MARCHF1: variants seen among roughly 807,000 people sequenced by gnomAD.
The protein encoded by MARCHF1 is membrane associated ring-CH-type finger 1.
MARCHF1 carries 40 observed loss-of-function variants against 54.2 expected under a neutral mutation model. The ratio of observed to expected loss-of-function variants is 0.74; its 90% CI spans 0.57 to 0.96. The LOEUF is 0.96. MARCHF1 is among the 40% of genes least tolerant of loss of function. The pLI is 0.00. For missense variants in MARCHF1, 586 were observed against 656.5 expected (o/e 0.89, Z 1.17); for synonymous variants, 236 against 236.3 (o/e 1.00, Z 0.01).
intron 1 of MARCHF1, among the ~76,000 whole-genome samples, chr4:164,363,322 C>G (rs931800361): frequency 5.9e-5 from 9 of 152,074 alleles, no homozygotes; most frequent in Non-Finnish European, 1.3e-4. Context: ...AAACTATAAA[C>G]TACTTCTTAT....
intron 4 of MARCHF1, among the ~76,000 whole-genome samples, chr4:163,793,885 C>G (rs928500638): frequency 2.0e-5 from 3 of 152,164 alleles, no homozygotes; most frequent in Non-Finnish European, 2.9e-5. Flanking sequence ...ACAGGAATTG[C>G]TCACTCAGGG....
intron 1 of MARCHF1, among the ~76,000 whole-genome samples, chr4:164,306,267 A>G (rs1032208170): frequency 6.6e-6 from 1 of 152,170 alleles, no homozygotes; most frequent in Non-Finnish European, 1.5e-5. Flanking sequence ...TCAACTTATC[A>G]ATATCAATAG....
chr4:164,233,404 GC>G (rs1287639844), intron 1 of MARCHF1, among the ~76,000 whole-genome samples: 1 of 152,106 alleles, frequency 6.6e-6, no homozygotes, highest in African/African-American at 2.4e-5. Context: ...CCAGAGCTTG[GC>G]TTTAGTTAAA....
At chr4:163,851,844 A>C (rs1749650259) in intron 4 of MARCHF1, among the ~76,000 whole-genome samples, 1 of 152,216 alleles carries the variant, frequency 6.6e-6, no homozygotes, top group African/African-American at 2.4e-5. Flanking sequence ...GTGCTTACAA[A>C]GGCAGCATCA....
chr4:163,604,396 T>C (rs1423316615), intron 7 of MARCHF1, among the ~76,000 whole-genome samples: 1 of 152,124 alleles, frequency 6.6e-6, no homozygotes, highest in Non-Finnish European at 1.5e-5. Flanking sequence ...GAAAGCCGAT[T>C]ATATATATGT....
intron 4 of MARCHF1, among the ~76,000 whole-genome samples, chr4:163,730,663 A>G (rs1056122688): frequency 2.0e-5 from 3 of 152,048 alleles, no homozygotes; most frequent in Non-Finnish European, 4.4e-5. Context: ...GGTGTGCTGC[A>G]CCTACTTTTT....
intron 1 of MARCHF1, among the ~76,000 whole-genome samples, chr4:164,351,422 G>C (rs1303869381): frequency 6.6e-6 from 1 of 150,456 alleles, no homozygotes; most frequent in East Asian, 2.0e-4. Context: ...TCTGAGAATG[G>C]GCAGACTGCC....
chr4:164,271,462 A>T (rs1330266148), intron 1 of MARCHF1, among the ~76,000 whole-genome samples: 1 of 152,222 alleles, frequency 6.6e-6, no homozygotes, highest in African/African-American at 2.4e-5. Context: ...AGAAAAGGCC[A>T]GGATATGGAT....
At chr4:163,877,667 G>T (rs1579359610) in intron 3 of MARCHF1, among the ~76,000 whole-genome samples, 1 of 152,030 alleles carries the variant, frequency 6.6e-6, no homozygotes, top group East Asian at 1.9e-4. Flanking sequence ...TTTCTTCTCT[G>T]CATCTTGCTT....
At chr4:163,883,074 A>G (rs1239937581) in intron 3 of MARCHF1, among the ~76,000 whole-genome samples, 2 of 152,160 alleles carry the variant, frequency 1.3e-5, no homozygotes, top group African/African-American at 4.8e-5. Flanking sequence ...AAAAAGGCCC[A>G]TGGCACTTGT....
chr4:164,340,179 A>G (rs1013250644), intron 1 of MARCHF1, among the ~76,000 whole-genome samples: 2 of 151,732 alleles, frequency 1.3e-5, no homozygotes, highest in East Asian at 1.9e-4. Context: ...ATTAACATCA[A>G]TCATTCTCCA....
intron 4 of MARCHF1, among the ~76,000 whole-genome samples, chr4:163,789,765 C>CT (rs1459946632): frequency 6.6e-6 from 1 of 151,946 alleles, no homozygotes; most frequent in African/African-American, 2.4e-5. Flanking sequence ...AGTACTTGGA[C>CT]TTCTTTTTTT....
At chr4:164,197,151 G>T (rs114511100) in intron 1 of MARCHF1, 11 of 1,602,246 alleles carry the variant, frequency 6.9e-6, no homozygotes, top group Non-Finnish European at 9.4e-6. Flanking sequence ...CCTCCTCCTC[G>T]CCCTCCTCAT....
chr4:163,863,390 ACT>A (rs1749982995), intron 3 of MARCHF1, among the ~76,000 whole-genome samples: 1 of 152,014 alleles, frequency 6.6e-6, no homozygotes, highest in Non-Finnish European at 1.5e-5. Flanking sequence ...TGGAGGTATG[ACT>A]CTGACAGTGC....
chr4:164,242,813 G>C (rs6829027), intron 1 of MARCHF1, among the ~76,000 whole-genome samples: 24,133 of 151,704 alleles, frequency 0.16, 2,431 homozygotes, highest in Admixed American at 0.3. Context: ...ACCAAGGCTC[G>C]AGAACTACGT....
chr4:164,376,777 G>A (rs1020134173), intron 1 of MARCHF1, among the ~76,000 whole-genome samples: 2 of 152,174 alleles, frequency 1.3e-5, no homozygotes, highest in African/African-American at 2.4e-5. Context: ...GAAAGTGAAA[G>A]ATACTCAGCG....
intron 2 of MARCHF1, among the ~76,000 whole-genome samples, chr4:164,066,615 C>A (rs1465987369): frequency 1.3e-5 from 2 of 152,094 alleles, no homozygotes; most frequent in Non-Finnish European, 2.9e-5. Context: ...ATGAAATCAA[C>A]CTAAATGCCC....
At chr4:164,163,189 T>G (rs1730286502) in intron 1 of MARCHF1, among the ~76,000 whole-genome samples, 1 of 151,684 alleles carries the variant, frequency 6.6e-6, no homozygotes, top group Admixed American at 6.6e-5. Flanking sequence ...AGAACTAAAA[T>G]GCAAGCAAAA....
chr4:163,984,715 T>A (rs1752827981), intron 3 of MARCHF1, among the ~76,000 whole-genome samples: 1 of 152,234 alleles, frequency 6.6e-6, no homozygotes, highest in African/African-American at 2.4e-5. Context: ...ACTGCCCTTG[T>A]AAGAGACAGA....
Sources: gnomAD v4.1 joint callset for allele counts (sites outside exome capture counted in the v4.1 genomes callset) on GRCh38, gnomAD v4.1.1 for gene constraint, MANE v1.5 for transcripts, NCBI Gene and HGNC (gene_info 2026-07-23, HGNC 2026-07-21) for gene names.